Variants in ZNF808 observed in about 807,000 individuals in gnomAD.
ZNF808 encodes the protein zinc finger protein 808.
In ZNF808, 5 loss-of-function variants were observed where a neutral mutation model predicts 8.7. The ratio of observed to expected loss-of-function variants is 0.58; its 90% CI spans 0.30 to 1.21. The LOEUF is 1.21. ZNF808 is among the 50% of genes most tolerant of loss of function. ZNF808 has a pLI of 0.07. For missense variants in ZNF808, 1,103 were observed against 1,098.4 expected (o/e 1.00, Z -0.06); for synonymous variants, 380 against 366.0 (o/e 1.04, Z -0.44).
intron 2 of ZNF808, among the ~76,000 whole-genome samples, chr19:52,535,716 C>T (rs1261382785): frequency 2.6e-5 from 4 of 152,262 alleles, no homozygotes; most frequent in Admixed American, 1.3e-4. Flanking sequence ...GTATATTCCG[C>T]CCCGGCAGGG....
intron 3 of ZNF808, among the ~76,000 whole-genome samples, chr19:52,562,940 A>T (rs1424465679): frequency 1.3e-5 from 2 of 151,916 alleles, no homozygotes; most frequent in East Asian, 3.9e-4. Context: ...TGCCCAGCTA[A>T]TTTTTTTGTA....
intron 1 of ZNF808, among the ~76,000 whole-genome samples, chr19:52,530,171 C>G (rs2123056144): frequency 6.6e-6 from 1 of 152,198 alleles, no homozygotes; most frequent in African/African-American, 2.4e-5. Context: ...AACAATTCTA[C>G]TGCCTCACTC....
At chr19:52,547,474 C>G (rs1475595100) in intron 3 of ZNF808, 38 bp from the exon 4 acceptor site, 10 of 1,612,574 alleles carry the variant, frequency 6.2e-6, no homozygotes, top group Middle Eastern at 1.7e-4. Flanking sequence ...TAACTCAATC[C>G]TCCATAATGT....
intron 2 of ZNF808, among the ~76,000 whole-genome samples, chr19:52,534,673 T>TG (rs1262223435): frequency 8.4e-5 from 7 of 83,640 alleles, no homozygotes; most frequent in African/African-American, 7.2e-4. Context: ...GCGGATCACT[T>TG]GAAGTCAGGG....
intron 1 of ZNF808, among the ~76,000 whole-genome samples, chr19:52,529,907 ATATAT>A (rs201397932): frequency 0.045 from 5,745 of 126,862 alleles, 203 homozygotes; most frequent in African/African-American, 0.11. Context: ...ATATATATAT[ATATAT>A]TTTTTTTTTT....
chr19:52,558,559 A>T (rs1295067401), downstream of ZNF808, among the ~76,000 whole-genome samples: 1 of 146,006 alleles, frequency 6.8e-6, no homozygotes, highest in South Asian at 2.2e-4. Flanking sequence ...TTTAGTAGAG[A>T]CAGAGTTTCA....
At chr19:52,564,825 A>G (rs2059868820), downstream of ZNF808, among the ~76,000 whole-genome samples, 2 of 152,060 alleles carry the variant, frequency 1.3e-5, no homozygotes, top group South Asian at 2.1e-4. Context: ...GATGGCTCAC[A>G]CCTGTAATCC....
intron 4 of ZNF808, 92 bp downstream of exon 4, chr19:52,547,730 TCC>T: frequency 1.3e-5 from 18 of 1,400,604 alleles, no homozygotes; most frequent in Admixed American, 2.4e-5. Flanking sequence ...TTTTGCCCCA[TCC>T]ATGCTGGTTT....
chr19:52,557,832 C>G, downstream of ZNF808, among the ~76,000 whole-genome samples: 1 of 151,996 alleles, frequency 6.6e-6, no homozygotes, highest in East Asian at 1.9e-4. Flanking sequence ...CCCATTAGCC[C>G]TTCCAGGCCC....
intron 4 of ZNF808, among the ~76,000 whole-genome samples, chr19:52,552,465 T>G (rs1429191322): frequency 3.3e-5 from 5 of 151,026 alleles, no homozygotes; most frequent in African/African-American, 1.2e-4. Flanking sequence ...CTGGCAGGAG[T>G]GCAGTGGTGT....
chr19:52,538,934 T>G (rs2066963), intron 2 of ZNF808, among the ~76,000 whole-genome samples: 48,509 of 141,056 alleles, frequency 0.34, 7,627 homozygotes, highest in East Asian at 0.52. Context: ...TAAGTGTGGT[T>G]CATTTTATAA....
At chr19:52,530,679 AAAGAAAAAGT>A (rs943224402) in intron 1 of ZNF808, among the ~76,000 whole-genome samples, 2 of 148,454 alleles carry the variant, frequency 1.3e-5, no homozygotes, top group African/African-American at 4.9e-5. Flanking sequence ...AAAAAGAGAG[AAAGAAAAAGT>A]AAGGAACATC....
chr19:52,545,735 G>C (rs1568484728), intron 3 of ZNF808, among the ~76,000 whole-genome samples: 2 of 151,742 alleles, frequency 1.3e-5, no homozygotes, highest in Non-Finnish European at 2.9e-5. Context: ...CTGAGAGATT[G>C]TGCCACTGTA....
downstream of ZNF808, among the ~76,000 whole-genome samples, chr19:52,561,204 CTCTCTCTCTATATATATATA>C (rs1271667086): frequency 2.6e-4 from 10 of 39,196 alleles, no homozygotes; most frequent in South Asian, 2.5e-3. Context: ...CTCTCTCTCT[CTCTCTCTCTATATATATATA>C]TATATATATA....
Position 52,555,463 on chromosome 19 carries a change from T to G in ZNF808, c.2547T>G (p.Cys849Trp). The change falls in exon 5 of 5, where the codon TGT becomes TGG. Residue 849 changes from cysteine (C) to tryptophan (W), a missense_variant. Transcript: ENST00000359798. ...RIHTGEKPYK[C>W]EACDKVFSRK... ...ATACTGGAGAGAAACCTTACAAATGTGAAGCATGTGACAAAGTTTTCAGTC... is the reference window on the plus strand; with the variant it reads ...ATACTGGAGAGAAACCTTACAAATGGGAAGCATGTGACAAAGTTTTCAGTC... 1 of 1,614,116 alleles carries G rather than the reference T, an allele frequency of 6.2e-7. No homozygotes were observed. Among genetic ancestry groups the G allele is most frequent in the Non-Finnish European group, 8.5e-7 (1 of 1,179,974 alleles).
chr19:52,558,044 TGAGG>T (rs2059844228), downstream of ZNF808, among the ~76,000 whole-genome samples: 1 of 138,510 alleles, frequency 7.2e-6, no homozygotes, highest in Non-Finnish European at 1.5e-5. Flanking sequence ...TTTTTTTTTT[TGAGG>T]GTAGGAGTGC....
intron 3 of ZNF808, among the ~76,000 whole-genome samples, chr19:52,562,740 T>C (rs946074913): frequency 6.6e-6 from 1 of 152,114 alleles, no homozygotes; most frequent in Non-Finnish European, 1.5e-5. Context: ...ACTGTAGTTG[T>C]GATATCATAA....
At chr19:52,557,125 C>T (rs1459085959), downstream of ZNF808, among the ~76,000 whole-genome samples, 2 of 152,090 alleles carry the variant, frequency 1.3e-5, no homozygotes, top group African/African-American at 2.4e-5. Context: ...CACCTACCAG[C>T]ACACCTGGCT....
chr19:52,561,978 C>T (rs2059859827), intron 3 of ZNF808, among the ~76,000 whole-genome samples: 1 of 152,182 alleles, frequency 6.6e-6, no homozygotes, highest in Non-Finnish European at 1.5e-5. Flanking sequence ...ATGGCATGCT[C>T]CTTTTCCTGT....
Sources: allele counts gnomAD v4.1 joint callset (sites outside exome capture counted in the v4.1 genomes callset), GRCh38; gene constraint gnomAD v4.1.1; transcripts MANE v1.5; gene names NCBI Gene and HGNC (gene_info 2026-07-23, HGNC 2026-07-21).